The following COL13A1 variants were observed in gnomAD, a reference collection of about 807,000 sequenced individuals.
COL13A1 encodes the protein collagen alpha-1(XIII) chain.
Under a neutral mutation model 130.9 loss-of-function variants are expected in COL13A1, and 89 were observed. The observed-to-expected ratio is 0.68, with a 90% CI of 0.57 to 0.81. The LOEUF is 0.81. COL13A1 is among the 30% of genes least tolerant of loss of function. The pLI is 0.00. For missense variants in COL13A1, 879 were observed against 934.6 expected (o/e 0.94, Z 0.78); for synonymous variants, 402 against 341.6 (o/e 1.18, Z -1.95).
intron 7 of COL13A1, among the ~76,000 whole-genome samples, chr10:69,884,097 T>C (rs1420004823): frequency 6.6e-6 from 1 of 152,048 alleles, no homozygotes; most frequent in African/African-American, 2.4e-5. Context: ...CCAGGGGAGA[T>C]GAGTTGAATT....
intron 34 of COL13A1, among the ~76,000 whole-genome samples, chr10:69,940,603 C>T (rs2067486985): frequency 6.6e-6 from 1 of 152,166 alleles, no homozygotes; most frequent in Admixed American, 6.5e-5. Flanking sequence ...GGGAAGGGTG[C>T]ACAGCTCTGA....
intron 1 of COL13A1, among the ~76,000 whole-genome samples, chr10:69,804,700 T>C (rs1270979761): frequency 2.0e-5 from 3 of 149,928 alleles, no homozygotes; most frequent in Admixed American, 1.3e-4. Context: ...AAATGTTTAC[T>C]GAGAGCCTGC....
chr10:69,919,227 A>T, intron 20 of COL13A1, 139 bp downstream of exon 20: 1 of 1,102,508 alleles, frequency 9.1e-7, no homozygotes, highest in Middle Eastern at 2.9e-4. Flanking sequence ...AGAAGGGCCC[A>T]CTGGTCAGGA....
chr10:69,842,844 T>C (rs1171504976), intron 2 of COL13A1, among the ~76,000 whole-genome samples: 1 of 152,194 alleles, frequency 6.6e-6, no homozygotes, highest in Non-Finnish European at 1.5e-5. Context: ...TGGGTTCCGC[T>C]GTGTGAGGGT....
chr10:69,890,530 G>T (rs1165517140), intron 10 of COL13A1, among the ~76,000 whole-genome samples: 2 of 152,250 alleles, frequency 1.3e-5, no homozygotes, highest in Non-Finnish European at 2.9e-5. Context: ...TTCAGTGGGG[G>T]CCTGGCTCAT....
intron 1 of COL13A1, among the ~76,000 whole-genome samples, chr10:69,805,143 CAGGTCA>C (rs1361676015): frequency 1.3e-5 from 2 of 152,152 alleles, no homozygotes; most frequent in East Asian, 3.9e-4. Context: ...ACGGGCAGCC[CAGGTCA>C]AGAGGGGCCT....
intron 38 of COL13A1, among the ~76,000 whole-genome samples, chr10:69,951,366 A>G (rs986299380): frequency 5.3e-5 from 8 of 151,908 alleles, no homozygotes; most frequent in Admixed American, 1.3e-4. Flanking sequence ...AGAACTCACA[A>G]CATTTTTTTT....
At chr10:69,817,319 G>A (rs1257841067) in intron 1 of COL13A1, among the ~76,000 whole-genome samples, 1 of 151,812 alleles carries the variant, frequency 6.6e-6, no homozygotes, top group Non-Finnish European at 1.5e-5. Flanking sequence ...AAGGGTGCTG[G>A]CAGGCGCAGA....
intron 21 of COL13A1, among the ~76,000 whole-genome samples, chr10:69,921,410 G>A (rs1050925328): frequency 6.6e-6 from 1 of 152,230 alleles, no homozygotes; most frequent in African/African-American, 2.4e-5. Context: ...AATAAGGTGA[G>A]CTGGTTATAG....
Position 69,925,867 on chromosome 10 carries a change from C to T in COL13A1, c.1393C>T (p.Leu465Phe). The T allele has an allele frequency of 6.3e-7, 1 of 1,593,242 alleles. No individual in the cohort carries two copies. The highest frequency in any genetic ancestry group is 1.7e-4 in the Middle Eastern group (1 of 6,036). Residue 465 changes from leucine to phenylalanine, a missense_variant, in exon 26 of 41, where the codon CTC becomes TTC. Transcript: ENST00000645393. ...TTACAATGGAAACATCAATGAGGCT[C>T]TCCAGGTGAGCAGGGTCCAGCCCAG... Reference protein sequence around the residue: ...VDYNGNINEALQEIRTLALMG... With the variant: ...VDYNGNINEAFQEIRTLALMG...
At chr10:69,905,608 T>G (rs1417581470) in intron 16 of COL13A1, among the ~76,000 whole-genome samples, 179 bp from the exon 17 acceptor site, 3 of 152,076 alleles carry the variant, frequency 2.0e-5, no homozygotes, top group Admixed American at 6.5e-5. Context: ...GAACAATCTG[T>G]GTTGTCCTCA....
chr10:69,836,416 T>G (rs536417368), intron 2 of COL13A1, among the ~76,000 whole-genome samples: 1 of 152,308 alleles, frequency 6.6e-6, no homozygotes, highest in East Asian at 1.9e-4. Context: ...AGACATCAGA[T>G]CTGGGACTCA....
At chr10:69,915,278 TTC>T in intron 17 of COL13A1, among the ~76,000 whole-genome samples, 1 of 152,336 alleles carries the variant, frequency 6.6e-6, no homozygotes, top group South Asian at 2.1e-4. Context: ...GGCTGTGCCC[TTC>T]TCTCTCAGTC....
chr10:69,941,155 G>T, intron 35 of COL13A1, 132 bp downstream of exon 35: 4 of 1,470,436 alleles, frequency 2.7e-6, no homozygotes, highest in Non-Finnish European at 3.8e-6. Flanking sequence ...CACCAGAAAG[G>T]TGCCACTGAT....
intron 1 of COL13A1, among the ~76,000 whole-genome samples, chr10:69,805,880 T>C (rs780055887): frequency 3.3e-5 from 5 of 152,196 alleles, no homozygotes; most frequent in Non-Finnish European, 5.9e-5. Flanking sequence ...ATGGTTTTGT[T>C]ACAAAACAAT....
chr10:69,823,675 G>A (rs754509154), intron 2 of COL13A1, among the ~76,000 whole-genome samples: 2 of 152,218 alleles, frequency 1.3e-5, no homozygotes, highest in Non-Finnish European at 2.9e-5. Context: ...TGGGGTGGGA[G>A]TCACAGTTCC....
chr10:69,941,048 C>A, intron 35 of COL13A1, 25 bp downstream of exon 35: 1 of 1,613,784 alleles, frequency 6.2e-7, no homozygotes, highest in Non-Finnish European at 8.5e-7. Flanking sequence ...TCCATCACCC[C>A]TCACCCCACT....
At chr10:69,944,242 C>T (rs1229907090) in intron 36 of COL13A1, 64 bp downstream of exon 36, 2 of 1,345,654 alleles carry the variant, frequency 1.5e-6, no homozygotes, top group African/African-American at 1.4e-5. Context: ...GGACCCAACA[C>T]CAGGGGTCTC....
chr10:69,930,443 A>G lies in COL13A1; in HGVS notation c.1574A>G (p.Gln525Arg). ...KPGDMGPPGP[Q>R]GPPGKDGPPG... Reference sequence around the variant, plus strand: ...GGAGACATGGGCCCTCCTGGTCCCCAAGGCCCCCCAGGAAAGGATGGACCT... The same window carrying G: ...GGAGACATGGGCCCTCCTGGTCCCCGAGGCCCCCCAGGAAAGGATGGACCT... Residue 525 changes from glutamine (Q) to arginine (R), a missense_variant, in exon 30 of 41, where the codon CAA (glutamine) becomes CGA (arginine). Around this residue, in one of 3 missense-constraint regions of COL13A1, gnomAD observed 715 missense variants for 721.0 expected, o/e 0.99. Transcript: ENST00000645393. 1 of 1,613,586 alleles carries G rather than the reference A, an allele frequency of 6.2e-7. No homozygotes were observed. Among genetic ancestry groups the G allele is most frequent in the Non-Finnish European group, 8.5e-7 (1 of 1,179,658 alleles).
Sources: allele counts gnomAD v4.1 joint callset (sites outside exome capture counted in the v4.1 genomes callset), GRCh38; gene constraint gnomAD v4.1.1; regional missense constraint gnomAD v4.1.1; transcripts MANE v1.5; gene names NCBI Gene and HGNC (gene_info 2026-07-23, HGNC 2026-07-21).